The following SPECC1 variants were observed in gnomAD, a reference collection of about 807,000 sequenced individuals.
SPECC1 encodes the protein cytospin-B.
Under a neutral mutation model 104.1 loss-of-function variants are expected in SPECC1, and 62 were observed. That is an observed-to-expected ratio of 0.60 (90% CI 0.49 to 0.74). The LOEUF is 0.74. Among genes scored for constraint, SPECC1 ranks in the 30% least tolerant of loss-of-function variants. The pLI, the probability that SPECC1 is intolerant of heterozygous loss-of-function variation, is 0.00. For synonymous variants in SPECC1, 513 were observed against 501.6 expected, an observed-to-expected ratio of 1.02 and a Z score of -0.30; for missense variants, 1,306 against 1,310.5, an observed-to-expected ratio of 1.00 and a Z score of 0.05.
chr17:20,089,824 G>T (rs776827191), intron 1 of SPECC1, among the ~76,000 whole-genome samples: 1 of 152,220 alleles, frequency 6.6e-6, no homozygotes, highest in Non-Finnish European at 1.5e-5. Flanking sequence ...GGCCTGGACA[G>T]CCGTGAATTT....
intron 3 of SPECC1, among the ~76,000 whole-genome samples, chr17:20,128,885 T>A (rs1458792010): frequency 6.6e-6 from 1 of 152,046 alleles, no homozygotes; most frequent in African/African-American, 2.4e-5. Flanking sequence ...TATTTTTAAA[T>A]TTTTTAATTT....
chr17:20,035,782 T>G (rs2045047930), intron 1 of SPECC1, among the ~76,000 whole-genome samples: 1 of 152,224 alleles, frequency 6.6e-6, no homozygotes, highest in South Asian at 2.1e-4. Flanking sequence ...TCCTGAATCC[T>G]AAAGACTTAC....
At chr17:20,246,155 C>T (rs2039413799) in intron 8 of SPECC1, 84 bp downstream of exon 8, 3 of 1,520,410 alleles carry the variant, frequency 2.0e-6, no homozygotes, top group Non-Finnish European at 2.7e-6. Flanking sequence ...TCTACTCCAC[C>T]CTGGCCCTGT....
intron 7 of SPECC1, chr17:20,236,741 G>C (rs545803532): frequency 1.5e-4 from 208 of 1,342,790 alleles, no homozygotes; most frequent in Non-Finnish European, 2.1e-4. Context: ...GGCCTATCCT[G>C]GACATTAGCT....
chr17:20,050,673 C>T (rs1427644542), intron 1 of SPECC1, among the ~76,000 whole-genome samples: 1 of 152,168 alleles, frequency 6.6e-6, no homozygotes, highest in Non-Finnish European at 1.5e-5. Context: ...TCTATATTCT[C>T]CTACCCTGGC....
intron 2 of SPECC1, among the ~76,000 whole-genome samples, chr17:20,100,803 T>C (rs2047910621): frequency 6.6e-6 from 1 of 152,174 alleles, no homozygotes; most frequent in Non-Finnish European, 1.5e-5. Context: ...GTCCTAATGT[T>C]CTCCCTCCCC....
intron 1 of SPECC1, among the ~76,000 whole-genome samples, chr17:20,023,848 CA>C (rs2044495454): frequency 2.0e-5 from 3 of 149,180 alleles, no homozygotes; most frequent in African/African-American, 7.4e-5. Context: ...GCTGATTTTA[CA>C]AAGTTAAAAT....
chr17:20,034,184 A>G (rs2044956552), intron 1 of SPECC1, among the ~76,000 whole-genome samples: 1 of 149,428 alleles, frequency 6.7e-6, no homozygotes, highest in African/African-American at 2.5e-5. Context: ...TGCAACTTCC[A>G]CCTCCCAGGT....
rs1488288047 is a variant in SPECC1 at position 20,018,976 on chromosome 17, GC to G, written c.-22+9553del. 3.3e-5 allele frequency among the ~76,000 whole-genome samples: 5 copies of G among 152,202 alleles called. No homozygotes were observed. In the East Asian group the frequency reaches 9.6e-4, roughly 29 times the overall value. On this transcript the variant is annotated intron_variant, in intron 1 of 14. Coordinates refer to ENST00000395527, the MANE Select transcript of SPECC1 (RefSeq NM_001243439.2). The stretch of plus-strand genomic sequence containing the variant: ...CAGCATAAACCACACAATAATTTAG[GC>G]ACAGTGAGTCCCTCTTTCCAGGTTG...
intron 12 of SPECC1, among the ~76,000 whole-genome samples, chr17:20,284,166 A>C (rs961131415): frequency 6.6e-6 from 1 of 152,142 alleles, no homozygotes; most frequent in Non-Finnish European, 1.5e-5. Context: ...AATCCCTGGG[A>C]GAAGGGAAAC....
intron 1 of SPECC1, among the ~76,000 whole-genome samples, chr17:20,050,584 A>G (rs1008921300): frequency 6.6e-6 from 1 of 152,228 alleles, no homozygotes; most frequent in Non-Finnish European, 1.5e-5. Flanking sequence ...ACAATCTGCT[A>G]TTCATTGTTA....
intron 13 of SPECC1, among the ~76,000 whole-genome samples, chr17:20,303,585 G>A (rs11869258): frequency 0.42 from 64,468 of 152,004 alleles, 14,279 homozygotes; most frequent in East Asian, 0.79. Context: ...GAGCCGTGGG[G>A]GAAATGGAAA....
chr17:20,284,021 T>A (rs1311413282), intron 12 of SPECC1, among the ~76,000 whole-genome samples: 1 of 152,242 alleles, frequency 6.6e-6, no homozygotes, highest in African/African-American at 2.4e-5. Context: ...TTTTTGCATT[T>A]TGTGCCTTAG....
chr17:20,211,328 C>G (rs2037133906), intron 4 of SPECC1, among the ~76,000 whole-genome samples: 1 of 152,242 alleles, frequency 6.6e-6, no homozygotes, highest in South Asian at 2.1e-4. Flanking sequence ...GGGAAGGAGG[C>G]CTGTCAGCAG....
rs529394551 is a variant in SPECC1 at position 20,316,966 on chromosome 17, C to T, written c.*2901C>T. ...CAAACTCCCCCATTTTTGTCTGTAT[C>T]CTGCTCTCTTTAGGTTAAAAAGAAG... On this transcript the variant is annotated 3_prime_UTR_variant, in exon 15 of 15. Coordinates refer to ENST00000395527, the MANE Select transcript of SPECC1 (RefSeq NM_001243439.2). 3 of 214,858 alleles carry T rather than the reference C, an allele frequency of 1.4e-5. No homozygotes were observed. The highest frequency in any genetic ancestry group is 2.8e-5 in the Non-Finnish European group (3 of 106,490). 13.3% of individuals were successfully genotyped at this position (214,858 alleles called of 1,614,324 possible).
chr17:20,028,140 A>G (rs915701621), intron 1 of SPECC1, among the ~76,000 whole-genome samples: 4 of 151,730 alleles, frequency 2.6e-5, no homozygotes, highest in African/African-American at 7.3e-5. Flanking sequence ...TCATGTGACT[A>G]TCTGATTATC....
intron 1 of SPECC1, among the ~76,000 whole-genome samples, chr17:20,034,721 T>G (rs1021248009): frequency 7.3e-5 from 11 of 150,814 alleles, no homozygotes; most frequent in African/African-American, 1.2e-4. Context: ...TTCTCATGCC[T>G]CAGCCTCCCA....
chr17:20,187,306 G>A (rs940061798), intron 3 of SPECC1, among the ~76,000 whole-genome samples: 3 of 152,118 alleles, frequency 2.0e-5, no homozygotes, highest in Non-Finnish European at 4.4e-5. Context: ...CTTCTCCCAG[G>A]AATTCTCTTT....
At chr17:20,270,619 T>TG (rs145523902) in intron 12 of SPECC1, among the ~76,000 whole-genome samples, 4 of 146,386 alleles carry the variant, frequency 2.7e-5, no homozygotes, top group Non-Finnish European at 6.0e-5. Flanking sequence ...ACCCTGTCTC[T>TG]GGGGAAAAAA....
Sources: gnomAD v4.1 joint callset for allele counts (sites outside exome capture counted in the v4.1 genomes callset) on GRCh38, gnomAD v4.1.1 for gene constraint, MANE v1.5 for transcripts, NCBI Gene and HGNC (gene_info 2026-07-23, HGNC 2026-07-21) for gene names.